The following NPHP1 variants were observed in gnomAD, a reference collection of about 807,000 sequenced individuals.
NPHP1 encodes nephrocystin 1, also known as nephrocystin-1.
A neutral mutation model predicts 90.4 loss-of-function variants in NPHP1; 70 were observed. The ratio of observed to expected loss-of-function variants is 0.77; its 90% confidence interval spans 0.64 to 0.95. The LOEUF (loss-of-function observed/expected upper bound fraction) is 0.95. NPHP1 is among the 40% of genes least tolerant of loss of function. The pLI, the probability that NPHP1 is intolerant of heterozygous loss-of-function variation, is 0.00. For missense variants in NPHP1, 764 were observed against 795.9 expected (o/e 0.96, Z 0.48); for synonymous variants, 256 against 271.7 (o/e 0.94, Z 0.57).
Position 110,161,629 on chromosome 2 carries a change from G to C in NPHP1, c.928C>G (p.Leu310Val), listed in dbSNP as rs762909263. The change falls in exon 10 of 20, where the codon CTG becomes GTG. Residue 310 changes from leucine (L) to valine (V), a missense_variant. Transcript: ENST00000445609. ...LMPSQLAFRD[L>V]MWDATEGTIR... The stretch of plus-strand genomic sequence containing the variant: ...GTGCCTTCTGTAGCATCCCACATCA[G>C]ATCTCTGAAGGCCAGTTGTGAAGGC... The C allele has an allele frequency of 1.2e-6, 2 of 1,611,690 alleles. No individual in the cohort carries two copies. Among genetic ancestry groups the C allele is most frequent in the Middle Eastern group, 1.7e-4 (1 of 6,052 alleles).
chr2:110,160,347 G>A, intron 10 of NPHP1, 92 bp from the exon 11 acceptor site: 2 of 1,058,960 alleles, frequency 1.9e-6, no homozygotes, highest in Non-Finnish European at 1.4e-6. Flanking sequence ...AATGTATACA[G>A]AATTTTTAAA....
At chr2:110,187,250 TAATAA>T in intron 2 of NPHP1, among the ~76,000 whole-genome samples, 1 of 151,934 alleles carries the variant, frequency 6.6e-6, no homozygotes, top group Middle Eastern at 3.4e-3. Flanking sequence ...TGAAAAAAAT[TAATAA>T]AATAGATACA....
intron 4 of NPHP1, among the ~76,000 whole-genome samples, chr2:110,173,732 T>C (rs1324529008): frequency 2.0e-5 from 3 of 152,150 alleles, no homozygotes; most frequent in Admixed American, 2.0e-4. Context: ...CATTCTATGA[T>C]GTTTGTACAA....
chr2:110,174,346 T>G (rs1159770878), intron 4 of NPHP1, among the ~76,000 whole-genome samples: 1 of 152,180 alleles, frequency 6.6e-6, no homozygotes, highest in Non-Finnish European at 1.5e-5. Flanking sequence ...AGTATTCCAT[T>G]TTATTGTGTT....
At chr2:110,144,714 C>T in intron 14 of NPHP1, 145 bp from the exon 15 acceptor site, 1 of 674,378 alleles carries the variant, frequency 1.5e-6, no homozygotes, top group Non-Finnish European at 2.7e-6. Context: ...AATTGTTGAT[C>T]CCTCCATGAG....
At chr2:110,160,025 A>C in intron 11 of NPHP1, 102 bp downstream of exon 11, 4 of 1,326,046 alleles carry the variant, frequency 3.0e-6, no homozygotes, top group Non-Finnish European at 3.2e-6. Context: ...CTAGGTAAAA[A>C]ATACTCTCTT....
intron 2 of NPHP1, among the ~76,000 whole-genome samples, chr2:110,189,125 G>A (rs1684499458): frequency 6.6e-6 from 1 of 152,092 alleles, no homozygotes; most frequent in African/African-American, 2.4e-5. Flanking sequence ...AAAAGCAATT[G>A]CAACAAAAGC....
intron 13 of NPHP1, 129 bp from the exon 14 acceptor site, chr2:110,146,964 T>C (rs1252260409): frequency 7.2e-5 from 51 of 708,728 alleles, no homozygotes. Flanking sequence ...CACAAGAAAA[T>C]AAAATGAAAC....
intron 11 of NPHP1, among the ~76,000 whole-genome samples, chr2:110,153,104 T>C (rs1681616487): frequency 6.6e-6 from 1 of 152,100 alleles, no homozygotes; most frequent in African/African-American, 2.4e-5. Context: ...AAAAACAATT[T>C]GAATGATGAT....
chr2:110,188,586 C>T (rs1684455633), intron 2 of NPHP1, among the ~76,000 whole-genome samples: 1 of 151,958 alleles, frequency 6.6e-6, no homozygotes, highest in Admixed American at 6.6e-5. Flanking sequence ...ACATACTGCC[C>T]CAAATAATGT....
intron 19 of NPHP1, chr2:110,124,475 T>C: frequency 3.5e-6 from 1 of 281,982 alleles, no homozygotes; most frequent in Non-Finnish European, 6.9e-6. Context: ...TTATCTAAGA[T>C]AATTGTAGCA....
intron 4 of NPHP1, chr2:110,178,189 T>C: frequency 1.9e-6 from 1 of 534,608 alleles, no homozygotes; most frequent in African/African-American, 1.9e-5. Flanking sequence ...CAGATCTCTG[T>C]TTTGTTTCAA....
At chr2:110,167,585 T>C (rs1257974285) in intron 6 of NPHP1, among the ~76,000 whole-genome samples, 1 of 152,154 alleles carries the variant, frequency 6.6e-6, no homozygotes, top group East Asian at 1.9e-4. Flanking sequence ...AGTTGCATCC[T>C]TTATAATAAA....
chr2:110,186,136 C>T (rs1341095156), intron 2 of NPHP1, among the ~76,000 whole-genome samples: 3 of 152,150 alleles, frequency 2.0e-5, no homozygotes, highest in African/African-American at 4.8e-5. Context: ...GTTGCAGGAC[C>T]ATTTGAAATT....
intron 11 of NPHP1, 147 bp downstream of exon 11, chr2:110,159,980 A>G: frequency 1.3e-6 from 1 of 741,210 alleles, no homozygotes; most frequent in South Asian, 1.7e-5. Flanking sequence ...TAAAAAATGA[A>G]TTTTTCAAAG....
chr2:110,163,171 G>T, intron 8 of NPHP1, 36 bp from the exon 9 acceptor site: 2 of 1,447,966 alleles, frequency 1.4e-6, no homozygotes, highest in Non-Finnish European at 9.7e-7. Flanking sequence ...TTTGTTTTCA[G>T]TCATGTTTCT....
chr2:110,127,023 T>C (rs1422957243), intron 18 of NPHP1: 3 of 152,502 alleles, frequency 2.0e-5, no homozygotes, highest in Admixed American at 2.0e-4. Flanking sequence ...CTTCCTTTCT[T>C]CTGGAACAAA....
intron 16 of NPHP1, among the ~76,000 whole-genome samples, chr2:110,134,663 A>G (rs1680033082): frequency 6.6e-6 from 1 of 152,120 alleles, no homozygotes; most frequent in Admixed American, 6.5e-5. Flanking sequence ...TATTAATGAA[A>G]TTCAAGGATG....
intron 16 of NPHP1, among the ~76,000 whole-genome samples, chr2:110,134,996 CT>C (rs1419574739): frequency 3.9e-5 from 6 of 152,040 alleles, no homozygotes; most frequent in African/African-American, 1.2e-4. Flanking sequence ...AGAAAAGTGT[CT>C]TTGTTTGCAG....
Sources: allele counts gnomAD v4.1 joint callset (sites outside exome capture counted in the v4.1 genomes callset), GRCh38; gene constraint gnomAD v4.1.1; transcripts MANE v1.5; gene names NCBI Gene and HGNC (gene_info 2026-07-23, HGNC 2026-07-21).